KCNJ6: variants seen among roughly 807,000 people sequenced by gnomAD.
The protein encoded by KCNJ6 is G protein-activated inward rectifier potassium channel 2.
A neutral mutation model predicts 34.2 loss-of-function variants in KCNJ6; 9 were observed. The observed-to-expected ratio is 0.26, with a 90% confidence interval of 0.16 to 0.46. The LOEUF (loss-of-function observed/expected upper bound fraction) is 0.46, where lower values mean the gene tolerates loss of function less well. KCNJ6 is among the 20% of genes least tolerant of loss of function. The pLI, the probability that KCNJ6 is intolerant of heterozygous loss-of-function variation, is 1.00. For missense variants in KCNJ6, 236 were observed against 531.3 expected (o/e 0.44, Z 5.46); for synonymous variants, 196 against 207.1 (o/e 0.95, Z 0.46).
chr21:37,798,895 G>A (rs186187156), intron 2 of KCNJ6, among the ~76,000 whole-genome samples: 26 of 152,226 alleles, frequency 1.7e-4, no homozygotes, highest in African/African-American at 5.5e-4. Flanking sequence ...TGGGTGAATC[G>A]TACGGCATGT....
At chr21:37,866,505 T>A (rs2055623496) in intron 1 of KCNJ6, among the ~76,000 whole-genome samples, 1 of 152,192 alleles carries the variant, frequency 6.6e-6, no homozygotes, top group Non-Finnish European at 1.5e-5. Context: ...TCACATACTT[T>A]TGTGCAGCTT....
At chr21:37,846,353 CTGTGTGTGTGTGTG>C (rs55697215) in intron 1 of KCNJ6, among the ~76,000 whole-genome samples, 9,745 of 145,000 alleles carry the variant, frequency 0.067, 384 homozygotes, top group Non-Finnish European at 0.076. Flanking sequence ...CTGAGACACT[CTGTGTGTGTGTGTG>C]TGTGTGTGTG....
At chr21:37,887,010 C>T (rs1005458072) in intron 1 of KCNJ6, among the ~76,000 whole-genome samples, 5 of 151,666 alleles carry the variant, frequency 3.3e-5, no homozygotes, top group African/African-American at 1.2e-4. Context: ...GGCCATCCAC[C>T]CCCACTCCCA....
At chr21:37,822,717 G>T (rs2055379441) in intron 2 of KCNJ6, among the ~76,000 whole-genome samples, 1 of 152,120 alleles carries the variant, frequency 6.6e-6, no homozygotes, top group African/African-American at 2.4e-5. Flanking sequence ...CTTTTGTGAG[G>T]ATGTAAAACC....
chr21:37,913,330 G>T lies in KCNJ6; in HGVS notation c.-28+2554C>A, dbSNP rs3787871. ...TGTATTAAGAGAAGTGACTCCTCTC[G>T]GTTTCCTACGACTGCAACCTAGGAA... On this transcript the variant is annotated intron_variant, in intron 1 of 3. Transcript: ENST00000609713. 2.6e-4 allele frequency among the ~76,000 whole-genome samples: 39 copies of T among 152,260 alleles called. No individual in the cohort carries two copies. The East Asian group carries it at 7.3e-3, about 29-fold the overall frequency.
At chr21:37,625,516 T>C (rs1445158784) in intron 3 of KCNJ6, 32 bp from the exon 4 acceptor site, 1 of 1,548,714 alleles carries the variant, frequency 6.5e-7, no homozygotes, top group Non-Finnish European at 8.8e-7. Context: ...CTTTAGCATA[T>C]GTAAGTGTGG....
At chr21:37,639,657 G>A (rs1408623897) in intron 3 of KCNJ6, among the ~76,000 whole-genome samples, 1 of 152,154 alleles carries the variant, frequency 6.6e-6, no homozygotes, top group Non-Finnish European at 1.5e-5. Context: ...TCCAATGTGA[G>A]GTCATTTTTA....
chr21:37,768,896 G>A (rs1375724417), intron 2 of KCNJ6, among the ~76,000 whole-genome samples: 5 of 152,226 alleles, frequency 3.3e-5, no homozygotes, highest in Admixed American at 6.5e-5. Flanking sequence ...GTAGAAATGT[G>A]TGTTGGGGAG....
chr21:37,701,969 A>G (rs2054693518), intron 3 of KCNJ6, among the ~76,000 whole-genome samples: 1 of 152,204 alleles, frequency 6.6e-6, no homozygotes, highest in African/African-American at 2.4e-5. Flanking sequence ...ACGGTGGCTC[A>G]TGCCTGTGAT....
intron 3 of KCNJ6, among the ~76,000 whole-genome samples, chr21:37,713,731 A>G (rs1036568225): frequency 3.9e-5 from 6 of 152,232 alleles, no homozygotes; most frequent in African/African-American, 1.4e-4. Flanking sequence ...CTCACTTCAT[A>G]CAAAAGAAAA....
rs202060358 is a variant in KCNJ6 at position 37,675,865 on chromosome 21, CGGGGGTGGGGGTGGGGGT to C, written c.946+38328_946+38345del. Among the ~76,000 whole-genome samples, 9 of 141,564 alleles carry C rather than the reference CGGGGGTGGGGGTGGGGGT, an allele frequency of 6.4e-5. No individual in the cohort carries two copies. The highest frequency in any genetic ancestry group is 2.3e-4 in the African/African-American group (9 of 39,784). The allele number at this position is 141,564 out of a possible 152,430, so 92.9% of individuals were successfully genotyped here. On this transcript the variant is annotated intron_variant, in intron 3 of 3. Coordinates refer to ENST00000609713, the MANE Select transcript of KCNJ6 (RefSeq NM_002240.5). This position sits in a 1 kb window ranked among gnomAD's most constrained non-coding sequence, Gnocchi z 4.2. ...CCCTGACCCCAACCCATGTCAATAG[CGGGGGTGGGGGTGGGGGT>C]GGGGGTGGGGTGCGCCGACCCTGCT...
chr21:37,655,761 C>G (rs2054461000), intron 3 of KCNJ6, among the ~76,000 whole-genome samples: 1 of 152,146 alleles, frequency 6.6e-6, no homozygotes, highest in African/African-American at 2.4e-5. Context: ...CATGGGGAAG[C>G]ATTTTTCCCC....
intron 2 of KCNJ6, among the ~76,000 whole-genome samples, chr21:37,829,295 G>A (rs184048014): frequency 9.2e-5 from 14 of 152,282 alleles, no homozygotes; most frequent in African/African-American, 3.4e-4. Context: ...GAAGGCGAGC[G>A]GAGGAAGTGT....
intron 3 of KCNJ6, among the ~76,000 whole-genome samples, chr21:37,667,690 T>G (rs1361889539): frequency 6.6e-6 from 1 of 151,388 alleles, no homozygotes; most frequent in Non-Finnish European, 1.5e-5. Flanking sequence ...GGCTCCGGGG[T>G]CGGCACTGCA....
chr21:37,890,039 G>C (rs536937129), intron 1 of KCNJ6, among the ~76,000 whole-genome samples: 3 of 152,210 alleles, frequency 2.0e-5, no homozygotes, highest in African/African-American at 4.8e-5. Context: ...AAATCAGCCT[G>C]AAAAATTTAT....
At chr21:37,787,993 A>G (rs2835958) in intron 2 of KCNJ6, among the ~76,000 whole-genome samples, 4,238 of 152,266 alleles carry the variant, frequency 0.028, 188 homozygotes, top group African/African-American at 0.094. Context: ...ATGGACAGAA[A>G]GCTAATGGGA....
At chr21:37,776,400 GA>G in intron 2 of KCNJ6, among the ~76,000 whole-genome samples, 1 of 152,164 alleles carries the variant, frequency 6.6e-6, no homozygotes, top group Non-Finnish European at 1.5e-5. Context: ...TAGGAGTGGG[GA>G]AAGAGGGCAT....
intron 2 of KCNJ6, among the ~76,000 whole-genome samples, chr21:37,747,748 T>C (rs750635869): frequency 9.9e-5 from 15 of 152,086 alleles, no homozygotes; most frequent in Non-Finnish European, 1.9e-4. Context: ...CTCTGGAAGA[T>C]GGAAAGGCAA....
chr21:37,881,363 C>T (rs914586119), intron 1 of KCNJ6, among the ~76,000 whole-genome samples: 1 of 152,154 alleles, frequency 6.6e-6, no homozygotes, highest in African/African-American at 2.4e-5. Flanking sequence ...GCTGGGAACT[C>T]TAAGATGAAC....
Sources: gnomAD v4.1 joint callset for allele counts (sites outside exome capture counted in the v4.1 genomes callset) on GRCh38, gnomAD v4.1.1 for gene constraint, Gnocchi (gnomAD v3.1) non-coding constraint, MANE v1.5 for transcripts, NCBI Gene and HGNC (gene_info 2026-07-23, HGNC 2026-07-21) for gene names.